Variants in RAPGEF5 observed in about 807,000 individuals in gnomAD.
The protein encoded by RAPGEF5 is M-Ras-regulated GEF.
A neutral mutation model predicts 125.2 loss-of-function variants in RAPGEF5; 65 were observed. The ratio of observed to expected loss-of-function variants is 0.52; its 90% CI spans 0.43 to 0.64. The LOEUF (loss-of-function observed/expected upper bound fraction) is 0.64. Ranked by LOEUF, RAPGEF5 falls within the 30% of genes least tolerant of loss-of-function variation. RAPGEF5 has a pLI of 0.00. For missense variants in RAPGEF5, 958 were observed against 1,048.1 expected (o/e 0.91, Z 1.19); for synonymous variants, 391 against 385.9 (o/e 1.01, Z -0.16).
chr7:22,144,687 G>A (rs946772560), intron 20 of RAPGEF5, among the ~76,000 whole-genome samples: 3 of 152,152 alleles, frequency 2.0e-5, no homozygotes, highest in African/African-American at 7.2e-5. Flanking sequence ...TGCACCTGAC[G>A]TGTAATGATT....
At chr7:22,228,442 C>A (rs1785972462) in intron 8 of RAPGEF5, among the ~76,000 whole-genome samples, 1 of 152,092 alleles carries the variant, frequency 6.6e-6, no homozygotes, top group African/African-American at 2.4e-5. Context: ...ATACTGCTCC[C>A]AGTATTATTA....
At chr7:22,337,792 G>A (rs1784053514) in intron 1 of RAPGEF5, among the ~76,000 whole-genome samples, 1 of 152,192 alleles carries the variant, frequency 6.6e-6, no homozygotes, top group Non-Finnish European at 1.5e-5. Context: ...CAGTGTAAGA[G>A]GACAATACCA....
chr7:22,333,340 A>G (rs1342743544), intron 1 of RAPGEF5, among the ~76,000 whole-genome samples: 2 of 152,130 alleles, frequency 1.3e-5, no homozygotes, highest in African/African-American at 4.8e-5. Flanking sequence ...CAGCATATTC[A>G]GTGCATGGGA....
intron 1 of RAPGEF5, chr7:22,356,293 C>T: frequency 1.0e-6 from 1 of 980,568 alleles, no homozygotes; most frequent in Non-Finnish European, 1.2e-6. Context: ...GCTGGAGACA[C>T]CGGAACCCAG....
intron 5 of RAPGEF5, among the ~76,000 whole-genome samples, chr7:22,295,760 A>T (rs1783045485): frequency 6.6e-6 from 1 of 152,118 alleles, no homozygotes; most frequent in African/African-American, 2.4e-5. Context: ...TTTTTTGAAA[A>T]ATACTAAAAA....
intron 6 of RAPGEF5, among the ~76,000 whole-genome samples, chr7:22,279,085 T>C (rs924365102): frequency 2.6e-5 from 4 of 152,188 alleles, no homozygotes; most frequent in African/African-American, 4.8e-5. Context: ...ACTGAATCCA[T>C]AGGCTCTTTT....
intron 1 of RAPGEF5, among the ~76,000 whole-genome samples, chr7:22,322,997 CTGTCATTTACCAAT>C (rs1252113816): frequency 1.3e-5 from 2 of 152,194 alleles, no homozygotes; most frequent in Non-Finnish European, 2.9e-5. Flanking sequence ...AGAAGAGGTA[CTGTCATTTACCAAT>C]AGCATGGGGA....
chr7:22,298,180 GTT>G (rs71550471), intron 5 of RAPGEF5, among the ~76,000 whole-genome samples: 1,924 of 137,518 alleles, frequency 0.014, 40 homozygotes, highest in African/African-American at 0.049. Flanking sequence ...TCTGTTTTTT[GTT>G]TTTTTTTTTT....
chr7:22,284,090 C>T (rs903552525), intron 6 of RAPGEF5, among the ~76,000 whole-genome samples: 9 of 98,298 alleles, frequency 9.2e-5, no homozygotes, highest in South Asian at 3.5e-4. Flanking sequence ...TGTGTGTGTG[C>T]GCGTGCATGT....
chr7:22,177,757 C>T (rs868838989), intron 11 of RAPGEF5, among the ~76,000 whole-genome samples: 1 of 152,208 alleles, frequency 6.6e-6, no homozygotes, highest in Non-Finnish European at 1.5e-5. Flanking sequence ...CCCAGGGCTC[C>T]TCAGCAAGAT....
At chr7:22,222,099 T>G (rs1047771986) in intron 8 of RAPGEF5, among the ~76,000 whole-genome samples, 1 of 151,962 alleles carries the variant, frequency 6.6e-6, no homozygotes, top group African/African-American at 2.4e-5. Context: ...ATACAAAAAA[T>G]TAGCCGGGCG....
At chr7:22,136,898 T>C in intron 22 of RAPGEF5, 35 bp downstream of exon 22, 1 of 1,509,152 alleles carries the variant, frequency 6.6e-7, no homozygotes, top group Non-Finnish European at 9.1e-7. Flanking sequence ...AGCAATTATT[T>C]TGAAGAATAA....
intron 9 of RAPGEF5, among the ~76,000 whole-genome samples, chr7:22,197,715 G>T (rs1405181093): frequency 6.6e-6 from 1 of 152,094 alleles, no homozygotes; most frequent in Non-Finnish European, 1.5e-5. Context: ...TCACTCATGG[G>T]CAAGTACCCT....
intron 17 of RAPGEF5, among the ~76,000 whole-genome samples, chr7:22,151,794 T>C (rs1783638483): frequency 6.6e-6 from 1 of 152,204 alleles, no homozygotes; most frequent in South Asian, 2.1e-4. Context: ...TTTACTATTT[T>C]GCTAATACAA....
At chr7:22,344,627 G>A (rs1258039933) in intron 1 of RAPGEF5, among the ~76,000 whole-genome samples, 1 of 152,202 alleles carries the variant, frequency 6.6e-6, no homozygotes, top group African/African-American at 2.4e-5. Context: ...ACAGAGTCCT[G>A]GTGATGAACA....
chr7:22,301,546 C>T (rs975101776), intron 5 of RAPGEF5, among the ~76,000 whole-genome samples: 2 of 140,180 alleles, frequency 1.4e-5, no homozygotes, highest in African/African-American at 2.7e-5. Flanking sequence ...ACCCGGGAGG[C>T]GGAGCTTGCA....
intron 5 of RAPGEF5, among the ~76,000 whole-genome samples, chr7:22,301,229 C>A (rs1375535258): frequency 6.6e-6 from 1 of 152,160 alleles, no homozygotes; most frequent in Non-Finnish European, 1.5e-5. Context: ...ATAGATTATT[C>A]TTCATAAGAC....
At chr7:22,210,431 G>C (rs910688987) in intron 9 of RAPGEF5, among the ~76,000 whole-genome samples, 10 of 152,006 alleles carry the variant, frequency 6.6e-5, no homozygotes, top group East Asian at 5.9e-4. Flanking sequence ...TCCTCTCTTT[G>C]ATGGTGGAGG....
At chr7:22,316,671 T>G (rs928813073) in intron 2 of RAPGEF5, among the ~76,000 whole-genome samples, 1 of 147,928 alleles carries the variant, frequency 6.8e-6, no homozygotes, top group Non-Finnish European at 1.5e-5. Flanking sequence ...TTGTTTTTTG[T>G]TTTTTTTTGT....
Sources: allele counts gnomAD v4.1 joint callset (sites outside exome capture counted in the v4.1 genomes callset), GRCh38; gene constraint gnomAD v4.1.1; transcripts MANE v1.5; gene names NCBI Gene and HGNC (gene_info 2026-07-23, HGNC 2026-07-21).